LRRC75A: variants seen among roughly 807,000 people sequenced by gnomAD.
The protein encoded by LRRC75A is leucine-rich repeat-containing protein 75A.
In LRRC75A, 12 loss-of-function variants were observed where a neutral mutation model predicts 26.0. The observed-to-expected ratio is 0.46, with a 90% CI of 0.30 to 0.75. The LOEUF (loss-of-function observed/expected upper bound fraction) is 0.75, where lower values mean the gene tolerates loss of function less well. Ranked by LOEUF, LRRC75A falls within the 30% of genes least tolerant of loss-of-function variation. LRRC75A has a pLI of 0.08. For synonymous variants in LRRC75A, 223 were observed against 219.3 expected (o/e 1.02, Z -0.15); for missense variants, 410 against 486.6 (o/e 0.84, Z 1.48).
chr17:16,453,917 C>T (rs1036429024), intron 2 of LRRC75A, among the ~76,000 whole-genome samples: 7 of 152,154 alleles, frequency 4.6e-5, no homozygotes, highest in African/African-American at 1.4e-4. Flanking sequence ...GCAGGTCACT[C>T]TCTCCCTTCT....
intron 1 of LRRC75A, among the ~76,000 whole-genome samples, chr17:16,476,034 A>G (rs1015527830): frequency 6.6e-6 from 1 of 152,112 alleles, no homozygotes; most frequent in African/African-American, 2.4e-5. Context: ...CTACTAAAAA[A>G]TAAAATAAAA....
rs1434413802 is a variant in LRRC75A, at chr17:16,443,645, C to T, written c.978G>A (p.Val326=). ...VGQEDPGGGP[V]APAEDHHEGK... ...CCTCATGGTGGTCTTCGGCAGGTGCCACAGGGCCCCCTCCAGGGTCCTCCT... is the reference window on the plus strand; with the variant it reads ...CCTCATGGTGGTCTTCGGCAGGTGCTACAGGGCCCCCTCCAGGGTCCTCCT... Residue 326 remains valine, a synonymous_variant, in exon 4 of 4, where the codon GTG becomes GTA. Transcript: ENST00000470794. The T allele has an allele frequency of 3.2e-6, 5 of 1,558,560 alleles. No homozygotes were observed. Among genetic ancestry groups the T allele is most frequent in the Non-Finnish European group, 3.5e-6 (4 of 1,150,576 alleles).
At chr17:16,489,684 G>A (rs550302754) in intron 1 of LRRC75A, among the ~76,000 whole-genome samples, 51 of 152,340 alleles carry the variant, frequency 3.3e-4, no homozygotes, top group African/African-American at 1.2e-3. Flanking sequence ...CACTGCTCAA[G>A]GCCCATGACC....
intron 1 of LRRC75A, among the ~76,000 whole-genome samples, chr17:16,472,093 A>T (rs111619879): frequency 2.6e-5 from 4 of 152,298 alleles, no homozygotes; most frequent in African/African-American, 9.6e-5. Context: ...TAATAAAAAA[A>T]TAGTGCTGAG....
chr17:16,454,182 G>A (rs1460519615), intron 2 of LRRC75A, among the ~76,000 whole-genome samples: 3 of 152,072 alleles, frequency 2.0e-5, no homozygotes, highest in Non-Finnish European at 4.4e-5. Flanking sequence ...CCTGAGGTCA[G>A]GAGTTCGAGA....
chr17:16,481,801 G>A (rs759526184), intron 1 of LRRC75A, among the ~76,000 whole-genome samples: 2 of 152,044 alleles, frequency 1.3e-5, no homozygotes, highest in Non-Finnish European at 2.9e-5. Flanking sequence ...TTTACCATGA[G>A]GAAATCAGAA....
intron 1 of LRRC75A, among the ~76,000 whole-genome samples, chr17:16,468,250 CA>C (rs2093784110): frequency 6.6e-6 from 1 of 152,230 alleles, no homozygotes; most frequent in Admixed American, 6.5e-5. Flanking sequence ...GGCACTCAAA[CA>C]GCAGCTATGT....
chr17:16,447,032 C>CTGCAGGGAT, intron 3 of LRRC75A: 1 of 266,972 alleles, frequency 3.7e-6, no homozygotes, highest in South Asian at 2.9e-5. Context: ...CTGCAGGGAC[C>CTGCAGGGAT]TGCAGGGATG....
chr17:16,442,477 A>G lies in LRRC75A; in HGVS notation c.*1111T>C, dbSNP rs576110668. The G allele has an allele frequency of 6.6e-5, 10 of 152,292 alleles. No individual in the cohort carries two copies. Among genetic ancestry groups the G allele is most frequent in the African/African-American group, 2.4e-4 (10 of 41,550 alleles). The allele number at this position is 152,292 out of a possible 1,614,324, so 9.4% of individuals were successfully genotyped here. ...CCTGTTATTTAGAAGAGATCCCTTA[A>G]CTGGTAGGGCCCTTTCAGTAGGACA... On this transcript the variant is annotated 3_prime_UTR_variant, in exon 4 of 4. Transcript: ENST00000470794.
chr17:16,471,452 C>T (rs2093805868), intron 1 of LRRC75A, among the ~76,000 whole-genome samples: 1 of 152,144 alleles, frequency 6.6e-6, no homozygotes, highest in Non-Finnish European at 1.5e-5. Flanking sequence ...CCCAGGGGCA[C>T]ACCAGGCAAA....
chr17:16,443,464 G>T lies in LRRC75A; in HGVS notation c.*124C>A. The T allele has an allele frequency of 2.4e-6, 2 of 832,282 alleles. No individual in the cohort carries two copies. The highest frequency in any genetic ancestry group is 3.6e-6 in the Non-Finnish European group (2 of 556,254). The allele number at this position is 832,282 out of a possible 1,614,324, so 51.6% of individuals were successfully genotyped here. A position where few individuals can be genotyped will look rare whatever the true frequency, so the allele number is the denominator to read the frequency against. On this transcript the variant is annotated 3_prime_UTR_variant, in exon 4 of 4. Transcript: ENST00000470794. Reference sequence around the variant, plus strand: ...GATGATATGGTTTGCCTTTCTGTAGGTGGGTGGCCCAGGCCAATTTTTGGC... The same window carrying T: ...GATGATATGGTTTGCCTTTCTGTAGTTGGGTGGCCCAGGCCAATTTTTGGC...
chr17:16,450,835 G>T (rs755768927), intron 2 of LRRC75A, among the ~76,000 whole-genome samples: 8 of 152,194 alleles, frequency 5.3e-5, no homozygotes, highest in Non-Finnish European at 1.2e-4. Context: ...GGGGACAGAG[G>T]CCACACAGCT....
intron 1 of LRRC75A, among the ~76,000 whole-genome samples, chr17:16,470,807 A>G (rs1298365336): frequency 6.6e-6 from 1 of 152,232 alleles, no homozygotes; most frequent in Non-Finnish European, 1.5e-5. Context: ...GGACGGAATC[A>G]TAAACAACAG....
intron 2 of LRRC75A, among the ~76,000 whole-genome samples, chr17:16,458,359 T>C (rs2093701381): frequency 1.3e-5 from 2 of 152,146 alleles, no homozygotes; most frequent in African/African-American, 4.8e-5. Flanking sequence ...ATGGCTTCTA[T>C]ATTATCACCT....
At chr17:16,458,756 CCACCGAGA>C (rs752394493) in intron 2 of LRRC75A, among the ~76,000 whole-genome samples, 3 of 152,020 alleles carry the variant, frequency 2.0e-5, no homozygotes, top group Non-Finnish European at 1.5e-5. Context: ...AAGGTGTGAG[CCACCGAGA>C]CTGGCAGACC....
intron 2 of LRRC75A, among the ~76,000 whole-genome samples, chr17:16,458,083 T>A (rs2093698874): frequency 6.6e-6 from 1 of 152,106 alleles, no homozygotes; most frequent in South Asian, 2.1e-4. Context: ...GGTGGGTGGA[T>A]CACCTGAGGT....
chr17:16,444,134 G>T lies in LRRC75A; in HGVS notation c.492-3C>A, dbSNP rs1298650547. 2 of 1,582,084 alleles carry T rather than the reference G, an allele frequency of 1.3e-6. No individual in the cohort carries two copies. The highest frequency in any genetic ancestry group is 2.3e-5 in the South Asian group (2 of 88,402). On this transcript the variant is annotated splice_region_variant and splice_polypyrimidine_tract_variant and intron_variant, in intron 3 of 3. Transcript: ENST00000470794. ...TTCCGGCCAGGACAGCCTTGAGGCT[G>T]AAGGGAAAAAGGACAAACAAGGCTC...
chr17:16,455,506 G>A (rs941060141), intron 2 of LRRC75A, among the ~76,000 whole-genome samples: 1 of 152,002 alleles, frequency 6.6e-6, no homozygotes, highest in Non-Finnish European at 1.5e-5. Context: ...AGCCTCCCGA[G>A]TAGCTGGGAC....
At chr17:16,469,357 T>A (rs2093793092) in intron 1 of LRRC75A, among the ~76,000 whole-genome samples, 2 of 152,220 alleles carry the variant, frequency 1.3e-5, no homozygotes, top group Non-Finnish European at 2.9e-5. Context: ...TGGCCTTTTG[T>A]TCTTTTCCCA....
Sources: gnomAD v4.1 joint callset for allele counts (sites outside exome capture counted in the v4.1 genomes callset) on GRCh38, gnomAD v4.1.1 for gene constraint, MANE v1.5 for transcripts, NCBI Gene and HGNC (gene_info 2026-07-23, HGNC 2026-07-21) for gene names.